Variants in AGBL4 observed in about 807,000 individuals in gnomAD.
AGBL4 encodes AGBL carboxypeptidase 4.
In AGBL4, 58 loss-of-function variants were observed where a neutral mutation model predicts 66.4. The observed-to-expected ratio is 0.87, with a 90% CI of 0.71 to 1.09. The LOEUF is 1.09. AGBL4 is among the 50% of genes least tolerant of loss of function. The pLI, the probability that AGBL4 is intolerant of heterozygous loss-of-function variation, is 0.00. For missense variants in AGBL4, 579 were observed against 631.0 expected (o/e 0.92, Z 0.88); for synonymous variants, 234 against 222.9 (o/e 1.05, Z -0.44).
At chr1:49,845,637 G>A (rs569742319) in intron 2 of AGBL4, 3 of 1,608,026 alleles carry the variant, frequency 1.9e-6, no homozygotes, top group African/African-American at 2.7e-5. Context: ...TTCAGCACCA[G>A]AGGACCCACA....
intron 3 of AGBL4, among the ~76,000 whole-genome samples, chr1:49,637,773 G>A (rs944748167): frequency 1.3e-5 from 2 of 151,994 alleles, no homozygotes; most frequent in South Asian, 2.1e-4. Context: ...AAAATTATCT[G>A]TAGACTTGAC....
At chr1:48,564,004 A>G (rs926835380) in intron 11 of AGBL4, among the ~76,000 whole-genome samples, 29 of 152,310 alleles carry the variant, frequency 1.9e-4, no homozygotes, top group African/African-American at 6.3e-4. Context: ...AAACGCAGTA[A>G]GCTCAATGAT....
Position 48,692,428 on chromosome 1 carries a change from C to T in AGBL4, c.635-29187G>A, listed in dbSNP as rs923611074. ...ATGCTGGGGAGTTGGAAAGGCTGTGCGCGCCTGTCTGTCGAGTCACCCACA... is the reference window on the plus strand; with the variant it reads ...ATGCTGGGGAGTTGGAAAGGCTGTGTGCGCCTGTCTGTCGAGTCACCCACA... On this transcript the variant is annotated intron_variant, in intron 6 of 13. Coordinates refer to ENST00000371839, the MANE Select transcript of AGBL4 (RefSeq NM_032785.4). Among the ~76,000 whole-genome samples the T allele has an allele frequency of 4.3e-4, 65 of 152,126 alleles. 1 individual carries two copies. The highest frequency in any genetic ancestry group is 1.5e-3 in the African/African-American group (64 of 41,426).
At chr1:48,537,544 GT>G (rs1385001897) in intron 12 of AGBL4, among the ~76,000 whole-genome samples, 1 of 152,124 alleles carries the variant, frequency 6.6e-6, no homozygotes, top group Non-Finnish European at 1.5e-5. Flanking sequence ...CTGTGCTCCA[GT>G]CCTGGCTCTG....
chr1:49,239,706 TA>T (rs1375118978), intron 4 of AGBL4, among the ~76,000 whole-genome samples: 2 of 152,144 alleles, frequency 1.3e-5, no homozygotes, highest in Non-Finnish European at 2.9e-5. Flanking sequence ...TGAATTAATT[TA>T]TAAATAGACA....
intron 3 of AGBL4, among the ~76,000 whole-genome samples, chr1:49,638,797 T>C (rs1645726119): frequency 6.6e-6 from 1 of 152,202 alleles, no homozygotes; most frequent in African/African-American, 2.4e-5. Flanking sequence ...TTTTGGAAAT[T>C]ACCCAGTCTT....
intron 3 of AGBL4, chr1:49,374,217 T>C (rs565842710): frequency 6.6e-6 from 1 of 152,104 alleles, no homozygotes; most frequent in African/African-American, 2.4e-5. Flanking sequence ...CACACATGTA[T>C]TTATTCATGC....
At chr1:49,039,499 G>T (rs76128205) in intron 5 of AGBL4, among the ~76,000 whole-genome samples, 1 of 151,968 alleles carries the variant, frequency 6.6e-6, no homozygotes, top group African/African-American at 2.4e-5. Flanking sequence ...AACTAAAACC[G>T]TTCTAAAAAA....
chr1:48,924,755 G>A (rs887668532), intron 5 of AGBL4, among the ~76,000 whole-genome samples: 1 of 152,070 alleles, frequency 6.6e-6, no homozygotes, highest in Non-Finnish European at 1.5e-5. Context: ...ATGAGGTCAT[G>A]TGTCTCATCT....
intron 3 of AGBL4, among the ~76,000 whole-genome samples, chr1:49,300,946 C>T (rs1336105803): frequency 6.6e-6 from 1 of 152,176 alleles, no homozygotes; most frequent in Non-Finnish European, 1.5e-5. Context: ...ACTGCCTATA[C>T]TTGCCTCTCT....
chr1:48,570,730 A>G (rs1644548712), intron 11 of AGBL4, among the ~76,000 whole-genome samples: 1 of 152,184 alleles, frequency 6.6e-6, no homozygotes, highest in Admixed American at 6.5e-5. Flanking sequence ...AATGTTGTGC[A>G]TTCCCAGAAT....
At chr1:48,651,085 G>T (rs1359481130) in intron 8 of AGBL4, among the ~76,000 whole-genome samples, 1 of 152,104 alleles carries the variant, frequency 6.6e-6, no homozygotes. Flanking sequence ...TTTAAGTAGA[G>T]AATTCTCATG....
chr1:49,234,527 G>A (rs927422757), intron 4 of AGBL4, among the ~76,000 whole-genome samples: 1 of 152,202 alleles, frequency 6.6e-6, no homozygotes, highest in Non-Finnish European at 1.5e-5. Flanking sequence ...ATGTCTACAG[G>A]TAGAGAAAGC....
At chr1:49,561,992 C>T (rs372195329) in intron 3 of AGBL4, among the ~76,000 whole-genome samples, 12 of 151,840 alleles carry the variant, frequency 7.9e-5, no homozygotes, top group East Asian at 3.9e-4. Flanking sequence ...TTTTTAATGA[C>T]TGCCATTCTA....
At chr1:48,886,577 G>A (rs1218675028) in intron 5 of AGBL4, among the ~76,000 whole-genome samples, 1 of 151,928 alleles carries the variant, frequency 6.6e-6, no homozygotes, top group East Asian at 1.9e-4. Context: ...TTTTGAGGTG[G>A]AGTCTCACTC....
intron 3 of AGBL4, among the ~76,000 whole-genome samples, chr1:49,644,538 A>G (rs1449884175): frequency 2.0e-5 from 3 of 151,648 alleles, no homozygotes; most frequent in Admixed American, 1.3e-4. Context: ...AAAGGAAAGA[A>G]TATCACAAGG....
chr1:49,026,730 G>A (rs753995082), intron 5 of AGBL4, among the ~76,000 whole-genome samples: 5 of 152,070 alleles, frequency 3.3e-5, no homozygotes, highest in Non-Finnish European at 5.9e-5. Context: ...CTTAAATGGT[G>A]CAGAATTTTT....
chr1:48,587,522 G>A (rs1644842144), intron 10 of AGBL4, among the ~76,000 whole-genome samples: 1 of 151,970 alleles, frequency 6.6e-6, no homozygotes, highest in South Asian at 2.1e-4. Context: ...CAGCTACTTG[G>A]GAGGCTGAGG....
rs543474552 is a variant in AGBL4, at chr1:49,318,425, T to TGAC, written c.283-72564_283-72562dup. ...ATGATGATGATGATGATGATGATGA[T>TGAC]GACGGCAATGATGATAGCAAACACA... On this transcript the variant is annotated intron_variant, in intron 3 of 13. Coordinates refer to ENST00000371839, the MANE Select transcript of AGBL4 (RefSeq NM_032785.4). Among the ~76,000 whole-genome samples, 256 of 148,298 alleles carry TGAC rather than the reference T, an allele frequency of 1.7e-3. 1 individual carries two copies. Among genetic ancestry groups the TGAC allele is most frequent in the African/African-American group, 5.9e-3 (231 of 39,294 alleles).
Sources: allele counts gnomAD v4.1 joint callset (sites outside exome capture counted in the v4.1 genomes callset), GRCh38; gene constraint gnomAD v4.1.1; transcripts MANE v1.5; gene names NCBI Gene and HGNC (gene_info 2026-07-23, HGNC 2026-07-21).